The following ARSK variants were observed in gnomAD, a reference collection of about 807,000 sequenced individuals.
The protein encoded by ARSK is arylsulfatase K.
ARSK carries 37 observed loss-of-function variants against 53.2 expected under a neutral mutation model. That is an observed-to-expected ratio of 0.70 (90% CI 0.54 to 0.92). The LOEUF (loss-of-function observed/expected upper bound fraction) is 0.92, where lower values mean the gene tolerates loss of function less well. Among genes scored for constraint, ARSK ranks in the 40% least tolerant of loss-of-function variants. ARSK has a pLI of 0.00. For missense variants in ARSK, 613 were observed against 643.0 expected (o/e 0.95, Z 0.51); for synonymous variants, 208 against 223.2 (o/e 0.93, Z 0.61).
chr5:95,585,442 G>A (rs1270173362), intron 4 of ARSK, among the ~76,000 whole-genome samples: 1 of 152,122 alleles, frequency 6.6e-6, no homozygotes. Flanking sequence ...CTCAACCAGT[G>A]GATAAAGAAA....
chr5:95,580,049 G>C (rs141523891), intron 3 of ARSK, among the ~76,000 whole-genome samples: 1 of 152,178 alleles, frequency 6.6e-6, no homozygotes, highest in Non-Finnish European at 1.5e-5. Context: ...AGATGCTGGC[G>C]TAGAGGAAAC....
intron 3 of ARSK, among the ~76,000 whole-genome samples, chr5:95,576,356 AC>A (rs1338940725): frequency 9.3e-5 from 14 of 151,144 alleles, no homozygotes; most frequent in African/African-American, 3.4e-4. Flanking sequence ...ATGCCACTAC[AC>A]CCGGCTAATT....
At chr5:95,603,164 C>T in intron 7 of ARSK, 73 bp from the exon 8 acceptor site, 1 of 1,158,616 alleles carries the variant, frequency 8.6e-7, no homozygotes, top group Non-Finnish European at 1.2e-6. Flanking sequence ...AATACATTAC[C>T]TGTCATAATG....
In ARSK at chr5:95,583,198, A is replaced by G. The variant is rs148149654; in HGVS notation, c.699A>G (p.Lys233=). ...TFHTSLYWLE[K]VSHDAIKIPK... ...ACACATCTCTTTATTGGCTTGAAAA[A>G]GTAAGTAACTACATTGTGTGTGCTC... The change falls in exon 4 of 8, where the codon AAA becomes AAG. Residue 233 remains lysine, a splice_region_variant and synonymous_variant. Transcript: ENST00000380009. 7.7e-5 allele frequency: 119 copies of G among 1,553,912 alleles called. No homozygotes were observed. The African/African-American group carries it at 1.4e-3, about 18-fold the overall frequency.
At chr5:95,591,228 G>C (rs534806137) in intron 5 of ARSK, among the ~76,000 whole-genome samples, 173 bp from the exon 6 acceptor site, 3 of 152,152 alleles carry the variant, frequency 2.0e-5, no homozygotes, top group Non-Finnish European at 2.9e-5. Context: ...TGAAGAGCAA[G>C]CAGTAGACAG....
intron 3 of ARSK, among the ~76,000 whole-genome samples, chr5:95,568,302 C>T (rs2112418156): frequency 6.6e-6 from 1 of 152,158 alleles, no homozygotes; most frequent in South Asian, 2.1e-4. Context: ...CTCGTTTAGC[C>T]CACGCTTTAT....
At chr5:95,569,655 C>T (rs747745589) in intron 3 of ARSK, among the ~76,000 whole-genome samples, 9 of 152,178 alleles carry the variant, frequency 5.9e-5, no homozygotes, top group Non-Finnish European at 1.0e-4. Context: ...TCTGCTGACA[C>T]CTTGATTTTA....
chr5:95,597,914 G>T lies in ARSK; in HGVS notation c.1097-2933G>T, dbSNP rs147605641. ...GCCTCAAAAAAAAAAAGTGGGGGGCGGGTAATAGTGGCTATTTCATAGCTC... is the reference window on the plus strand; with the variant it reads ...GCCTCAAAAAAAAAAAGTGGGGGGCTGGTAATAGTGGCTATTTCATAGCTC... On this transcript the variant is annotated intron_variant, in intron 6 of 7. Transcript: ENST00000380009. 2.0e-3 allele frequency among the ~76,000 whole-genome samples: 253 copies of T among 124,168 alleles called. 3 individuals carry two copies. The highest frequency in any genetic ancestry group is 3.5e-3 in the Non-Finnish European group (214 of 60,488). 81.5% of individuals were successfully genotyped at this position (124,168 alleles called of 152,430 possible).
At chr5:95,573,564 A>G (rs1031111773) in intron 3 of ARSK, among the ~76,000 whole-genome samples, 1 of 152,226 alleles carries the variant, frequency 6.6e-6, no homozygotes, top group Non-Finnish European at 1.5e-5. Flanking sequence ...TTCTAATGCT[A>G]TCAGAAGAGA....
At chr5:95,560,802 CT>C (rs70978188) in intron 1 of ARSK, among the ~76,000 whole-genome samples, 56,105 of 108,208 alleles carry the variant, frequency 0.52, 11,868 homozygotes, top group Non-Finnish European at 0.56. Context: ...GGCAAAAGAT[CT>C]TTTTTTTTTT....
In ARSK at chr5:95,555,291, T is replaced by A. The variant is rs769555617; in HGVS notation, c.13T>A (p.Trp5Arg). ...ACCGCTACCGGCGATGCTACTGCTG[T>A]GGGTGTCGGTGGTCGCAGCCTTGGC... MLLL[W>R]VSVVAALALA... Residue 5 changes from tryptophan to arginine, a missense_variant, in exon 1 of 8, where the codon TGG (tryptophan) becomes AGG (arginine). Physicochemically the swap from Trp to Arg is moderately radical, Grantham distance 101. Transcript: ENST00000380009. The surrounding 1 kb of genome is among the most constrained non-coding windows in gnomAD (Gnocchi z 4.0). The A allele has an allele frequency of 3.7e-6, 6 of 1,600,708 alleles. No individual in the cohort carries two copies. Among genetic ancestry groups the A allele is most frequent in the Non-Finnish European group, 4.2e-6 (5 of 1,178,672 alleles).
intron 1 of ARSK, among the ~76,000 whole-genome samples, chr5:95,563,508 G>C (rs531049627): frequency 6.6e-6 from 1 of 152,162 alleles, no homozygotes; most frequent in East Asian, 1.9e-4. Flanking sequence ...CATGACGGCA[G>C]TCGCCCCCTC....
At chr5:95,568,706 C>A (rs1215079846) in intron 3 of ARSK, among the ~76,000 whole-genome samples, 1 of 152,162 alleles carries the variant, frequency 6.6e-6, no homozygotes, top group Non-Finnish European at 1.5e-5. Flanking sequence ...GGAAGGTTGG[C>A]CCCTGTCTGG....
At chr5:95,585,130 G>A (rs756740362) in intron 4 of ARSK, among the ~76,000 whole-genome samples, 2 of 152,136 alleles carry the variant, frequency 1.3e-5, no homozygotes, top group Non-Finnish European at 2.9e-5. Flanking sequence ...ACCATAATGT[G>A]ATACCACCTT....
Position 95,586,692 on chromosome 5 carries a change from C to T in ARSK, c.830C>T (p.Ala277Val), listed in dbSNP as rs1369372709. ...AAAAAAGAAATTAAGAATATTAGAG[C>T]ATTTTATTATGCTATGTGTGCTGAG... is the stretch of plus-strand genomic sequence containing the variant. ...FTKKEIKNIR[A>V]FYYAMCAETD... Residue 277 changes from alanine (A) to valine (V), a missense_variant, in exon 5 of 8, where the codon GCA becomes GTA. Transcript: ENST00000380009. The T allele has an allele frequency of 6.2e-7, 1 of 1,611,492 alleles. No individual in the cohort carries two copies. Among genetic ancestry groups the T allele is most frequent in the African/African-American group, 1.3e-5 (1 of 74,872 alleles).
intron 3 of ARSK, among the ~76,000 whole-genome samples, chr5:95,574,014 C>T (rs768170156): frequency 6.6e-6 from 1 of 152,074 alleles, no homozygotes; most frequent in Non-Finnish European, 1.5e-5. Flanking sequence ...CCCACCCCAA[C>T]TATTCTGCCC....
At chr5:95,582,865 T>C (rs1749039853) in intron 3 of ARSK, 51 bp from the exon 4 acceptor site, 1 of 1,487,086 alleles carries the variant, frequency 6.7e-7, no homozygotes, top group East Asian at 2.3e-5. Context: ...TAGTATGTTT[T>C]TAAAACTTTT....
At chr5:95,563,152 C>T (rs182067796) in intron 1 of ARSK, among the ~76,000 whole-genome samples, 2 of 152,228 alleles carry the variant, frequency 1.3e-5, no homozygotes, top group African/African-American at 4.8e-5. Flanking sequence ...ACCAAAACTT[C>T]TAGAAAATTT....
chr5:95,568,250 G>A (rs1748763757), intron 3 of ARSK, among the ~76,000 whole-genome samples: 1 of 152,124 alleles, frequency 6.6e-6, no homozygotes, highest in Non-Finnish European at 1.5e-5. Context: ...TAGTCATTTT[G>A]TTTTTCTTAA....
Sources: gnomAD v4.1 joint callset for allele counts (sites outside exome capture counted in the v4.1 genomes callset) on GRCh38, gnomAD v4.1.1 for gene constraint, Gnocchi (gnomAD v3.1) non-coding constraint, MANE v1.5 for transcripts, NCBI Gene and HGNC (gene_info 2026-07-23, HGNC 2026-07-21) for gene names.